Variants in RARS2 observed in about 807,000 individuals in gnomAD.
RARS2 encodes probable arginine--tRNA ligase, mitochondrial.
Under a neutral mutation model 88.5 loss-of-function variants are expected in RARS2, and 67 were observed. The observed-to-expected ratio is 0.76, with a 90% CI of 0.62 to 0.93. The LOEUF (loss-of-function observed/expected upper bound fraction) is 0.93. RARS2 is among the 40% of genes least tolerant of loss of function. RARS2 has a pLI of 0.00. For missense variants in RARS2, 664 were observed against 684.2 expected, an observed-to-expected ratio of 0.97 and a Z score of 0.33; for synonymous variants, 239 against 230.3, an observed-to-expected ratio of 1.04 and a Z score of -0.34.
At position 87,519,718 on chromosome 6, in the gene RARS2, G is replaced by T. The variant is rs1582278885; in HGVS notation, c.1113-11C>A. On this transcript the variant is annotated splice_polypyrimidine_tract_variant and intron_variant, in intron 13 of 19. Transcript: ENST00000369536. ...GGCACGTGCTGGCACCTAAAAGAGT[G>T]GGCATCTAGTTAACTGAAAGCTAAA... 1 of 1,613,862 alleles carries T rather than the reference G, an allele frequency of 6.2e-7. No individual in the cohort carries two copies. The highest frequency in any genetic ancestry group is 2.2e-5 in the East Asian group (1 of 44,848).
At chr6:87,520,042 T>G in intron 13 of RARS2, 138 bp downstream of exon 13, 2 of 811,822 alleles carry the variant, frequency 2.5e-6, no homozygotes, top group South Asian at 2.9e-5. Context: ...CAAGACATAA[T>G]ACAAAAATCA....
intron 10 of RARS2, among the ~76,000 whole-genome samples, chr6:87,526,522 A>G (rs1775771391): frequency 6.6e-6 from 1 of 151,974 alleles, no homozygotes; most frequent in African/African-American, 2.4e-5. Context: ...TCTTAAAAAA[A>G]AAAACAAAGC....
intron 10 of RARS2, among the ~76,000 whole-genome samples, chr6:87,527,933 C>G (rs1207868166): frequency 6.6e-6 from 1 of 151,914 alleles, no homozygotes; most frequent in African/African-American, 2.4e-5. Flanking sequence ...GGCGGGAGAG[C>G]ATCAGGAAAA....
intron 4 of RARS2, among the ~76,000 whole-genome samples, chr6:87,559,463 CA>C (rs753856335): frequency 3.9e-3 from 359 of 93,180 alleles, no homozygotes; most frequent in Non-Finnish European, 6.2e-3. Flanking sequence ...AACTCTGTCT[CA>C]AAAAAAAAAA....
In RARS2 at chr6:87,543,302, CAAAACA is replaced by C. The variant is rs563618761; in HGVS notation, c.536-1314_536-1309del. On this transcript the variant is annotated intron_variant, in intron 7 of 19. Transcript: ENST00000369536. ...TGGGCAACAAGAGCAAACTCTGTCT[CAAAACA>C]AAAACAAAAACAAAAACAAAAACAA... Among the ~76,000 whole-genome samples the C allele has an allele frequency of 6.0e-3, 878 of 147,334 alleles. 4 individuals are homozygous for C. Among genetic ancestry groups the C allele is most frequent in the East Asian group, 0.024 (122 of 5,070 alleles).
chr6:87,559,463 C>CAAA (rs753856335), intron 4 of RARS2, among the ~76,000 whole-genome samples: 5 of 93,282 alleles, frequency 5.4e-5, no homozygotes, highest in African/African-American at 7.6e-5. Flanking sequence ...AACTCTGTCT[C>CAAA]AAAAAAAAAA....
chr6:87,522,554 G>C (rs17504475), intron 11 of RARS2, among the ~76,000 whole-genome samples: 9,423 of 152,008 alleles, frequency 0.062, 356 homozygotes, highest in African/African-American at 0.11. Flanking sequence ...AAAATTTCTC[G>C]ATCTTTCAAA....
At chr6:87,561,996 G>A (rs970001671) in intron 4 of RARS2, among the ~76,000 whole-genome samples, 6 of 152,136 alleles carry the variant, frequency 3.9e-5, no homozygotes, top group Non-Finnish European at 7.3e-5. Context: ...ACAAGGTCTC[G>A]CTCTGTCACC....
chr6:87,515,118 G>T, intron 18 of RARS2, 98 bp from the exon 19 acceptor site: 1 of 943,500 alleles, frequency 1.1e-6, no homozygotes, highest in Non-Finnish European at 1.7e-6. Flanking sequence ...ACTTAATAAA[G>T]CCCAGAACCA....
Position 87,520,437 on chromosome 6 carries a change from G to A in RARS2, c.1036-181C>T, listed in dbSNP as rs141203306. Among the ~76,000 whole-genome samples the A allele has an allele frequency of 1.2e-4, 18 of 152,254 alleles. No homozygotes were observed. The East Asian group carries it at 3.1e-3, about 26-fold the overall frequency. ...AGTGTCTAAGTGGACTGCTCTACAA[G>A]GGAGGGAAATAAGAGCCATACAACT... On this transcript the variant is annotated intron_variant, in intron 12 of 19. Coordinates refer to ENST00000369536, the MANE Select transcript of RARS2 (RefSeq NM_020320.5).
At chr6:87,575,526 T>C (rs573986403) in intron 1 of RARS2, among the ~76,000 whole-genome samples, 3 of 152,318 alleles carry the variant, frequency 2.0e-5, no homozygotes, top group African/African-American at 7.2e-5. Flanking sequence ...GCTATGTATG[T>C]GCTGGGACCA....
At chr6:87,569,716 T>A in intron 1 of RARS2, 126 bp from the exon 2 acceptor site, 1 of 776,488 alleles carries the variant, frequency 1.3e-6, no homozygotes, top group Non-Finnish European at 2.2e-6. Context: ...GCATTCCAAG[T>A]GAAGGAAGCC....
intron 1 of RARS2, among the ~76,000 whole-genome samples, chr6:87,586,378 C>T (rs1251209932): frequency 6.6e-6 from 1 of 152,118 alleles, no homozygotes; most frequent in Non-Finnish European, 1.5e-5. Flanking sequence ...AATACCTGAC[C>T]TCTCCCCAAG....
At chr6:87,536,786 G>T (rs1243704931) in intron 8 of RARS2, among the ~76,000 whole-genome samples, 1 of 152,008 alleles carries the variant, frequency 6.6e-6, no homozygotes, top group East Asian at 1.9e-4. Context: ...TTATTTAACA[G>T]CCAATTCACA....
chr6:87,532,009 C>A (rs992393696), intron 8 of RARS2, among the ~76,000 whole-genome samples: 3 of 151,972 alleles, frequency 2.0e-5, no homozygotes, highest in African/African-American at 4.8e-5. Context: ...ATCAAAACAT[C>A]CGGACAGCAG....
At chr6:87,570,586 T>A (rs1769356989) in intron 1 of RARS2, among the ~76,000 whole-genome samples, 1 of 152,058 alleles carries the variant, frequency 6.6e-6, no homozygotes, top group African/African-American at 2.4e-5. Context: ...GCGCAGCTAA[T>A]TTTTTCTATT....
Position 87,518,295 on chromosome 6 carries a change from A to T in RARS2, c.1416-31T>A, listed in dbSNP as rs368668413. 8.1e-6 allele frequency: 13 copies of T among 1,613,784 alleles called. No individual in the cohort carries two copies. The African/African-American group carries it at 1.7e-4, about 22-fold the overall frequency. On this transcript the variant is annotated intron_variant, in intron 16 of 19. Transcript: ENST00000369536. ...CAAAAGTTTAAAGTTAAAAACATCA[A>T]AAGATTAAAAAGTCATACAAGGGCA...
At position 87,555,401 on chromosome 6, in the gene RARS2, C is replaced by T; in HGVS notation, c.395+7G>A. On this transcript the variant is annotated splice_region_variant and intron_variant, in intron 5 of 19. Transcript: ENST00000369536. Reference sequence around the variant, plus strand: ...TTAAGCAACACATAAAAGGGGTGCACCCTCACCTGAATTCAACCACAATCT... The same window carrying T: ...TTAAGCAACACATAAAAGGGGTGCATCCTCACCTGAATTCAACCACAATCT... 6.2e-7 allele frequency: 1 copy of T among 1,609,810 alleles called. No homozygotes were observed. Among genetic ancestry groups the T allele is most frequent in the Non-Finnish European group, 8.5e-7 (1 of 1,176,220 alleles).
intron 1 of RARS2, among the ~76,000 whole-genome samples, chr6:87,582,171 G>A (rs1773752882): frequency 6.6e-6 from 1 of 152,120 alleles, no homozygotes; most frequent in East Asian, 1.9e-4. Flanking sequence ...AGATCTTTGA[G>A]GAACCATGAC....
Sources: gnomAD v4.1 joint callset for allele counts (sites outside exome capture counted in the v4.1 genomes callset) on GRCh38, gnomAD v4.1.1 for gene constraint, MANE v1.5 for transcripts, NCBI Gene and HGNC (gene_info 2026-07-23, HGNC 2026-07-21) for gene names.